IL31RA: variants seen among roughly 807,000 people sequenced by gnomAD.
The protein encoded by IL31RA is interleukin 31 receptor A, also known as interleukin-31 receptor subunit alpha.
Under a neutral mutation model 83.7 loss-of-function variants are expected in IL31RA, and 66 were observed. The observed-to-expected ratio is 0.79, with a 90% CI of 0.65 to 0.97. The LOEUF (loss-of-function observed/expected upper bound fraction) is 0.97, where lower values mean the gene tolerates loss of function less well. IL31RA is among the 50% of genes least tolerant of loss of function. The pLI, the probability that IL31RA is intolerant of heterozygous loss-of-function variation, is 0.00. For synonymous variants in IL31RA, 325 were observed against 329.0 expected (o/e 0.99, Z 0.13); for missense variants, 798 against 919.4 (o/e 0.87, Z 1.71).
intron 6 of IL31RA, among the ~76,000 whole-genome samples, chr5:55,894,873 C>A (rs1269103627): frequency 6.6e-6 from 1 of 152,158 alleles, no homozygotes; most frequent in Non-Finnish European, 1.5e-5. Flanking sequence ...CACACCACCA[C>A]ACCCAGCTAA....
intron 6 of IL31RA, among the ~76,000 whole-genome samples, chr5:55,893,830 G>A (rs993835621): frequency 1.2e-3 from 62 of 53,324 alleles, no homozygotes; most frequent in African/African-American, 4.2e-3. Flanking sequence ...TTTTTTTTTT[G>A]AGACGGGGTC....
At chr5:55,864,282 T>TACAC (rs1296127741) in intron 2 of IL31RA, among the ~76,000 whole-genome samples, 1 of 81,924 alleles carries the variant, frequency 1.2e-5, no homozygotes, top group African/African-American at 5.6e-5. Context: ...TCCACATATA[T>TACAC]ACACACAGAC....
chr5:55,881,542 T>C (rs184489550), intron 4 of IL31RA, among the ~76,000 whole-genome samples: 1 of 152,008 alleles, frequency 6.6e-6, no homozygotes, highest in African/African-American at 2.4e-5. Context: ...CACGGCGGCC[T>C]GCTAGAACTT....
chr5:55,874,302 T>C (rs1746705235), intron 4 of IL31RA, among the ~76,000 whole-genome samples: 1 of 152,134 alleles, frequency 6.6e-6, no homozygotes, highest in Admixed American at 6.5e-5. Flanking sequence ...ACTGTCTTGA[T>C]TACTGTAGCC....
chr5:55,894,812 G>A (rs916758272), intron 6 of IL31RA, among the ~76,000 whole-genome samples: 1 of 152,174 alleles, frequency 6.6e-6, no homozygotes, highest in Non-Finnish European at 1.5e-5. Context: ...CGCTTCCCGG[G>A]TTCAAGCGAT....
rs75891702 is a variant in IL31RA, at chr5:55,857,016, C to T, written c.64-2493C>T. On this transcript the variant is annotated intron_variant, in intron 1 of 14. Transcript: ENST00000652347. The stretch of plus-strand genomic sequence containing the variant: ...CTCAAGCTTATCAACTGCACATCTA[C>T]CCACCACAGATAACCAGGATCACCT... Among the ~76,000 whole-genome samples, 599 of 152,288 alleles carry T rather than the reference C, an allele frequency of 3.9e-3. 5 individuals carry two copies. Among genetic ancestry groups the T allele is most frequent in the African/African-American group, 0.014 (575 of 41,564 alleles).
At chr5:55,854,237 A>G (rs1042893296) in intron 1 of IL31RA, among the ~76,000 whole-genome samples, 3 of 152,124 alleles carry the variant, frequency 2.0e-5, no homozygotes, top group African/African-American at 7.2e-5. Context: ...GCAGCCCACA[A>G]CCCAAATGGA....
chr5:55,841,758 C>A, the IL31RA span, among the ~76,000 whole-genome samples: 1 of 152,072 alleles, frequency 6.6e-6, no homozygotes, highest in African/African-American at 2.4e-5. Flanking sequence ...GGGATCCTAT[C>A]TCGATGAAAG....
intron 2 of IL31RA, among the ~76,000 whole-genome samples, chr5:55,861,998 C>T (rs528307381): frequency 1.3e-5 from 2 of 152,264 alleles, no homozygotes; most frequent in African/African-American, 2.4e-5. Context: ...GTTCCTCTTG[C>T]GTATGGGAAA....
intron 14 of IL31RA, 39 bp downstream of exon 14, chr5:55,914,967 G>T: frequency 6.8e-7 from 1 of 1,467,616 alleles, no homozygotes; most frequent in Non-Finnish European, 9.6e-7. Flanking sequence ...TCATTGCCGT[G>T]GGAGGTAGAC....
chr5:55,883,740 A>AT (rs1747410405), intron 5 of IL31RA, among the ~76,000 whole-genome samples: 1 of 152,144 alleles, frequency 6.6e-6, no homozygotes, highest in Non-Finnish European at 1.5e-5. Context: ...CTTTGCTTTC[A>AT]TTTTTTACCA....
rs1748950184 is a variant in IL31RA, at chr5:55,903,480, A to G, written c.1070-2626A>G. On this transcript the variant is annotated intron_variant, in intron 8 of 14. Coordinates refer to ENST00000652347, the MANE Select transcript of IL31RA (RefSeq NM_139017.7). This position sits in a 1 kb window ranked among gnomAD's most constrained non-coding sequence, Gnocchi z 4.7. ...ACCCGGCGATTCGTTTATATTGAGTAGAGTGATGACTTGGAAATTCCCCTT... is the reference window on the plus strand; with the variant it reads ...ACCCGGCGATTCGTTTATATTGAGTGGAGTGATGACTTGGAAATTCCCCTT... 6.6e-6 allele frequency among the ~76,000 whole-genome samples: 1 copy of G among 151,102 alleles called. No homozygotes were observed. Among genetic ancestry groups the G allele is most frequent in the South Asian group, 2.1e-4 (1 of 4,826 alleles).
chr5:55,911,259 G>C (rs1749485401), intron 12 of IL31RA, among the ~76,000 whole-genome samples: 1 of 152,138 alleles, frequency 6.6e-6, no homozygotes, highest in Non-Finnish European at 1.5e-5. Flanking sequence ...GATCTCATGA[G>C]ATTTATTCAC....
intron 2 of IL31RA, among the ~76,000 whole-genome samples, chr5:55,860,119 A>C (rs558927499): frequency 1.3e-5 from 2 of 152,348 alleles, no homozygotes; most frequent in East Asian, 3.9e-4. Context: ...CTGTAATCCC[A>C]GCACTTTGGG....
At chr5:55,901,938 CTGAT>C (rs1168684360) in intron 8 of IL31RA, among the ~76,000 whole-genome samples, 1 of 152,160 alleles carries the variant, frequency 6.6e-6, no homozygotes, top group Non-Finnish European at 1.5e-5. Flanking sequence ...AATAAAATTT[CTGAT>C]TGATCAAATT....
At chr5:55,913,420 AT>A in intron 12 of IL31RA, 56 bp from the exon 13 acceptor site, 4 of 1,073,774 alleles carry the variant, frequency 3.7e-6, no homozygotes, top group Non-Finnish European at 5.8e-6. Context: ...TTAATCATTG[AT>A]TTTTGTCAAG....
At chr5:55,878,409 G>C (rs1356967263) in intron 4 of IL31RA, among the ~76,000 whole-genome samples, 2 of 152,066 alleles carry the variant, frequency 1.3e-5, no homozygotes, top group African/African-American at 2.4e-5. Context: ...CTGTTTCTTT[G>C]TATGCCTTGC....
Position 55,917,379 on chromosome 5 carries a change from G to A in IL31RA, c.*259G>A, listed in dbSNP as rs992415864. 1.6e-5 allele frequency: 21 copies of A among 1,282,632 alleles called. No homozygotes were observed. Among genetic ancestry groups the A allele is most frequent in the South Asian group, 1.3e-4 (8 of 63,282 alleles). 79.5% of individuals were successfully genotyped at this position (1,282,632 alleles called of 1,614,324 possible). A position where few individuals can be genotyped will look rare whatever the true frequency, so the allele number is the denominator to read the frequency against. ...TTTGTTCAGATACCAAGCTCTCACC[G>A]AGGCCTCCTGACAGATTGACTTTGA... On this transcript the variant is annotated 3_prime_UTR_variant, in exon 15 of 15. Transcript: ENST00000652347.
At chr5:55,848,599 G>T (rs897115648), upstream of IL31RA, among the ~76,000 whole-genome samples, 3 of 152,084 alleles carry the variant, frequency 2.0e-5, no homozygotes, top group Non-Finnish European at 4.4e-5. Context: ...ATCTGTTTTG[G>T]TTTTTATAAG....
Sources: allele counts gnomAD v4.1 joint callset (sites outside exome capture counted in the v4.1 genomes callset), GRCh38; gene constraint gnomAD v4.1.1; non-coding constraint Gnocchi (gnomAD v3.1); transcripts MANE v1.5; gene names NCBI Gene and HGNC (gene_info 2026-07-23, HGNC 2026-07-21).